PRKN: variants seen among roughly 807,000 people sequenced by gnomAD.
PRKN encodes parkin RBR E3 ubiquitin protein ligase, also known as E3 ubiquitin-protein ligase parkin.
A neutral mutation model predicts 59.5 loss-of-function variants in PRKN; 56 were observed. The observed-to-expected ratio is 0.94, with a 90% CI of 0.76 to 1.18. PRKN has a LOEUF of 1.18. PRKN is among the 50% of genes most tolerant of loss of function. The probability of loss-of-function intolerance (pLI) is 0.00; values close to 1 mark genes in which losing one functional copy is unlikely to be tolerated. For synonymous variants in PRKN, 250 were observed against 222.1 expected (o/e 1.13, Z -1.12); for missense variants, 657 against 596.4 (o/e 1.10, Z -1.06).
At chr6:162,166,047 C>CAAAAAAAAAAAAAAAAAAAAAAAA (rs10557222) in intron 4 of PRKN, among the ~76,000 whole-genome samples, 5 of 80,198 alleles carry the variant, frequency 6.2e-5, no homozygotes, top group African/African-American at 2.0e-4. Context: ...GACTCTATCT[C>CAAAAAAAAAAAAAAAAAAAAAAAA]AAAAAAAAAA....
chr6:161,633,997 A>AACACAC (rs141101298), intron 7 of PRKN, among the ~76,000 whole-genome samples: 7,189 of 141,994 alleles, frequency 0.051, 219 homozygotes, highest in East Asian at 0.087. Flanking sequence ...GGAAAACTTA[A>AACACAC]ACACACACAC....
At chr6:162,623,168 T>G (rs1300094339) in intron 1 of PRKN, among the ~76,000 whole-genome samples, 1 of 152,226 alleles carries the variant, frequency 6.6e-6, no homozygotes, top group East Asian at 1.9e-4. Context: ...AAATGCCTCA[T>G]GCTGATAACA....
chr6:162,001,999 G>A (rs1287767858), intron 5 of PRKN, among the ~76,000 whole-genome samples: 1 of 151,752 alleles, frequency 6.6e-6, no homozygotes, highest in Non-Finnish European at 1.5e-5. Context: ...GAACACCCTT[G>A]TAGATCTGTC....
chr6:161,710,526 T>C (rs1004801104), intron 7 of PRKN, among the ~76,000 whole-genome samples: 1 of 152,152 alleles, frequency 6.6e-6, no homozygotes, highest in Admixed American at 6.5e-5. Flanking sequence ...AGTGTGTGCA[T>C]ATCTGTGTGC....
intron 4 of PRKN, among the ~76,000 whole-genome samples, chr6:162,167,149 G>A (rs1001218822): frequency 1.3e-5 from 2 of 152,096 alleles, no homozygotes; most frequent in East Asian, 1.9e-4. Flanking sequence ...TTCCATTTTC[G>A]CATTGTCAAA....
At chr6:162,612,389 G>A (rs377160128) in intron 1 of PRKN, among the ~76,000 whole-genome samples, 9 of 151,854 alleles carry the variant, frequency 5.9e-5, no homozygotes, top group East Asian at 1.9e-4. Context: ...CAGGCCGGAC[G>A]AAGGTTTAGA....
chr6:161,679,017 T>C (rs768402554), intron 7 of PRKN, among the ~76,000 whole-genome samples: 3 of 152,164 alleles, frequency 2.0e-5, no homozygotes, highest in Non-Finnish European at 4.4e-5. Flanking sequence ...CGCACATGCA[T>C]GTGTGTGCAG....
Position 162,049,375 on chromosome 6 carries a change from T to C in PRKN, c.618+4716A>G, listed in dbSNP as rs191363008. Among the ~76,000 whole-genome samples the C allele has an allele frequency of 1.1e-4, 16 of 152,202 alleles. No individual in the cohort carries two copies. In the East Asian group the frequency reaches 2.7e-3, roughly 26 times the overall value. ...GAGTCAGAGTTTATATTTAGCTGCATTGTGAAAATGCAATCCAGAAAAATG... is the reference window on the plus strand; with the variant it reads ...GAGTCAGAGTTTATATTTAGCTGCACTGTGAAAATGCAATCCAGAAAAATG... On this transcript the variant is annotated intron_variant, in intron 5 of 11. Coordinates refer to ENST00000366898, the MANE Select transcript of PRKN (RefSeq NM_004562.3).
Position 161,378,334 on chromosome 6 carries a change from A to G in PRKN, c.1167+8460T>C, listed in dbSNP as rs1785814997. Among the ~76,000 whole-genome samples, 1 of 152,080 alleles carries G rather than the reference A, an allele frequency of 6.6e-6. No individual in the cohort carries two copies. The highest frequency in any genetic ancestry group is 2.4e-5 in the African/African-American group (1 of 41,416). On this transcript the variant is annotated intron_variant, in intron 10 of 11. Coordinates refer to ENST00000366898, the MANE Select transcript of PRKN (RefSeq NM_004562.3). This position sits in a 1 kb window ranked among gnomAD's most constrained non-coding sequence, Gnocchi z 7.3. ...GTGGAGGAAGCGTGGTGGTGAGGTG[A>G]AGCCCTGCCAGGCCCCCCAGCTCGG...
At position 161,451,773 on chromosome 6, in the gene PRKN, T is replaced by C. The variant is rs1291510572; in HGVS notation, c.1084-64896A>G. 6.6e-6 allele frequency among the ~76,000 whole-genome samples: 1 copy of C among 152,154 alleles called. No homozygotes were observed. On this transcript the variant is annotated intron_variant, in intron 9 of 11. Transcript: ENST00000366898. This position sits in a 1 kb window ranked among gnomAD's most constrained non-coding sequence, Gnocchi z 5.9. ...ACAGCAGGTGGCCCATGAGTGAAAC[T>C]TAGAGAATTAGGGGACTGCTTTGGT...
intron 7 of PRKN, among the ~76,000 whole-genome samples, chr6:161,749,466 C>T (rs1265383961): frequency 1.3e-5 from 2 of 152,134 alleles, no homozygotes; most frequent in African/African-American, 2.4e-5. Flanking sequence ...TTTGCAGGAT[C>T]AATTTCTATG....
intron 4 of PRKN, among the ~76,000 whole-genome samples, chr6:162,179,623 A>G (rs530278750): frequency 1.3e-5 from 2 of 152,256 alleles, no homozygotes; most frequent in East Asian, 1.9e-4. Flanking sequence ...GAGCGTATAC[A>G]TGTGTGTAGG....
chr6:161,444,938 A>T lies in PRKN; in HGVS notation c.1084-58061T>A, dbSNP rs575718100. ...AAAAGCCAGTACCTCTCCAGTCTTC[A>T]TTTTCATTTATCCTTAGCATGGTCT... On this transcript the variant is annotated intron_variant, in intron 9 of 11. Transcript: ENST00000366898. The surrounding 1 kb of genome is among the most constrained non-coding windows in gnomAD (Gnocchi z 5.6). Among the ~76,000 whole-genome samples, 1 of 152,202 alleles carries T rather than the reference A, an allele frequency of 6.6e-6. No homozygotes were observed. Among genetic ancestry groups the T allele is most frequent in the South Asian group, 2.1e-4 (1 of 4,818 alleles).
intron 1 of PRKN, among the ~76,000 whole-genome samples, chr6:162,685,102 C>A (rs572834238): frequency 6.6e-6 from 1 of 152,136 alleles, no homozygotes; most frequent in Non-Finnish European, 1.5e-5. Context: ...AGACCTTGGG[C>A]AAATTACTTT....
At position 161,451,486 on chromosome 6, in the gene PRKN, C is replaced by A. The variant is rs1056983702; in HGVS notation, c.1084-64609G>T. ...CTCCATCAACAGGAGGCAACGCAGC[C>A]TCAGGATACCACCTGCCCACGGCCC... On this transcript the variant is annotated intron_variant, in intron 9 of 11. Transcript: ENST00000366898. The surrounding 1 kb of genome is among the most constrained non-coding windows in gnomAD (Gnocchi z 5.9). Among the ~76,000 whole-genome samples the A allele has an allele frequency of 1.6e-4, 25 of 152,192 alleles. No homozygotes were observed. The highest frequency in any genetic ancestry group is 6.0e-4 in the African/African-American group (25 of 41,418).
Position 162,056,428 on chromosome 6 carries a change from G to T in PRKN, c.535-2254C>A, listed in dbSNP as rs1398740633. ...AGAGAAAAGTCGGGGACGCAGAGCA[G>T]TTCTCCAGGCCTGAGCCGTACCTGA... On this transcript the variant is annotated intron_variant, in intron 4 of 11. Transcript: ENST00000366898. The surrounding 1 kb of genome is among the most constrained non-coding windows in gnomAD (Gnocchi z 4.9). 1.3e-5 allele frequency among the ~76,000 whole-genome samples: 2 copies of T among 152,166 alleles called. No individual in the cohort carries two copies. Among genetic ancestry groups the T allele is most frequent in the Non-Finnish European group, 2.9e-5 (2 of 68,024 alleles).
rs1468779980 is a variant in PRKN at position 162,443,375 on chromosome 6, C to T, written c.106G>A (p.Val36Ile). The change falls in exon 2 of 12, where the codon GTT (valine) becomes ATT (isoleucine). Residue 36 changes from valine (V) to isoleucine (I), a missense_variant. Val to Ile is a conservative substitution (Grantham distance 29, BLOSUM62 3). Coordinates refer to ENST00000366898, the MANE Select transcript of PRKN (RefSeq NM_004562.3). ...LKEVVAKRQG[V>I]PADQLRVIFA... The stretch of plus-strand genomic sequence containing the variant: ...ATCACACGCAACTGGTCAGCCGGAA[C>T]CCCCTGTCGCTTAGCAACCACCTCC... 3 of 1,613,668 alleles carry T rather than the reference C, an allele frequency of 1.9e-6. No homozygotes were observed. The Admixed American group carries it at 5.0e-5, about 27-fold the overall frequency.
rs1411858918 is a variant in PRKN, at chr6:161,451,319, G to A, written c.1084-64442C>T. ...ACTTCCACGAGAAGACCTCTCTGGAGAGGTCTGAACATTGTCTTCTGTCAG... is the reference window on the plus strand; with the variant it reads ...ACTTCCACGAGAAGACCTCTCTGGAAAGGTCTGAACATTGTCTTCTGTCAG... On this transcript the variant is annotated intron_variant, in intron 9 of 11. Coordinates refer to ENST00000366898, the MANE Select transcript of PRKN (RefSeq NM_004562.3). The surrounding 1 kb of genome is among the most constrained non-coding windows in gnomAD (Gnocchi z 5.9). Among the ~76,000 whole-genome samples, 1 of 152,158 alleles carries A rather than the reference G, an allele frequency of 6.6e-6. No homozygotes were observed. The highest frequency in any genetic ancestry group is 1.5e-5 in the Non-Finnish European group (1 of 68,038).
At chr6:161,418,026 C>T (rs1787931572) in intron 9 of PRKN, among the ~76,000 whole-genome samples, 1 of 152,238 alleles carries the variant, frequency 6.6e-6, no homozygotes, top group Non-Finnish European at 1.5e-5. Context: ...GGCAGTATCA[C>T]AGCGCAGGGC....
Sources: allele counts gnomAD v4.1 joint callset (sites outside exome capture counted in the v4.1 genomes callset), GRCh38; gene constraint gnomAD v4.1.1; non-coding constraint Gnocchi (gnomAD v3.1); transcripts MANE v1.5; gene names NCBI Gene and HGNC (gene_info 2026-07-23, HGNC 2026-07-21).